Variants in MAP3K3 observed in about 807,000 individuals in gnomAD.
MAP3K3 encodes mitogen-activated protein kinase kinase kinase 3.
Under a neutral mutation model 80.9 loss-of-function variants are expected in MAP3K3, and 12 were observed. That is an observed-to-expected ratio of 0.15 (90% CI 0.10 to 0.24). The LOEUF (loss-of-function observed/expected upper bound fraction) is 0.24, where lower values mean the gene tolerates loss of function less well. MAP3K3 is among the 10% of genes least tolerant of loss of function. The probability of loss-of-function intolerance (pLI) is 1.00; values close to 1 mark genes in which losing one functional copy is unlikely to be tolerated. For synonymous variants in MAP3K3, 272 were observed against 307.1 expected (o/e 0.89, Z 1.19); for missense variants, 596 against 834.7 (o/e 0.71, Z 3.52).
chr17:63,654,737 T>A (rs2034729295), intron 4 of MAP3K3, among the ~76,000 whole-genome samples: 1 of 152,124 alleles, frequency 6.6e-6, no homozygotes, highest in South Asian at 2.1e-4. Context: ...GACTGGGTAA[T>A]TTATAAAAGA....
intron 2 of MAP3K3, among the ~76,000 whole-genome samples, chr17:63,645,697 C>G (rs1421972201): frequency 2.0e-5 from 3 of 152,172 alleles, no homozygotes; most frequent in Non-Finnish European, 4.4e-5. Context: ...GGAAATGTAT[C>G]CTGGTCAGGA....
chr17:63,688,757 C>G, intron 9 of MAP3K3, 32 bp from the exon 10 acceptor site: 3 of 1,536,168 alleles, frequency 2.0e-6, no homozygotes, highest in Non-Finnish European at 2.7e-6. Context: ...ATTGACCTAC[C>G]CAGAAGCCAG....
At chr17:63,649,770 A>G (rs1443497329) in intron 3 of MAP3K3, among the ~76,000 whole-genome samples, 2 of 152,240 alleles carry the variant, frequency 1.3e-5, no homozygotes, top group Non-Finnish European at 2.9e-5. Context: ...AATGGCTGCC[A>G]TATTGAATAG....
rs1301515673 is a variant in MAP3K3, at chr17:63,689,848, C to T, written c.1063+113C>T. 4 of 957,712 alleles carry T rather than the reference C, an allele frequency of 4.2e-6. No homozygotes were observed. The highest frequency in any genetic ancestry group is 4.6e-6 in the Non-Finnish European group (3 of 649,930). The allele number at this position is 957,712 out of a possible 1,614,324, so 59.3% of individuals were successfully genotyped here. On this transcript the variant is annotated intron_variant, in intron 11 of 15. Transcript: ENST00000361733. The surrounding 1 kb of genome is among the most constrained non-coding windows in gnomAD (Gnocchi z 4.3). ...AGGCTCAGCAGGTGGTGGCTTTGGC[C>T]CAAATGCACCACATGGGATAAGCCT...
intron 10 of MAP3K3, 26 bp downstream of exon 10, chr17:63,688,907 G>T (rs1300100909): frequency 6.4e-7 from 1 of 1,566,298 alleles, no homozygotes; most frequent in Non-Finnish European, 8.8e-7. Flanking sequence ...CCTGCTCCCT[G>T]CTGGCTGCCT....
rs750289116 is a variant in MAP3K3 at position 63,689,663 on chromosome 17, C to T, written c.991C>T (p.Pro331Ser). ...GGGTCTGGCTGTGCAATACCTGGAC[C>T]CCCGTGGGCGCCTGCGGAGTGCGGA... The part of the protein sequence containing the change: ...NMGLAVQYLD[P>S]RGRLRSADSE... The change falls in exon 11 of 16, where the codon CCC (proline) becomes TCC (serine). Residue 331 changes from proline (P) to serine (S), a missense_variant. This residue lies in a region of MAP3K3 where 364 missense variants were observed against 588.9 expected (regional missense o/e 0.62). Transcript: ENST00000361733. This position sits in a 1 kb window ranked among gnomAD's most constrained non-coding sequence, Gnocchi z 4.3. 1 of 1,613,950 alleles carries T rather than the reference C, an allele frequency of 6.2e-7. No individual in the cohort carries two copies.
At position 63,628,638 on chromosome 17, in the gene MAP3K3, G is replaced by A. The variant is rs749490312; in HGVS notation, c.5-4043G>A. 1.1e-4 allele frequency among the ~76,000 whole-genome samples: 16 copies of A among 152,150 alleles called. 1 individual carries two copies. Among genetic ancestry groups the A allele is most frequent in the Non-Finnish European group, 1.8e-4 (12 of 68,030 alleles). On this transcript the variant is annotated intron_variant, in intron 1 of 15. Coordinates refer to ENST00000361733, the MANE Select transcript of MAP3K3 (RefSeq NM_002401.5). ...GCCTCCCAAAGTGCTGGGATTACAG[G>A]CGTGAGCCCCTGGGCCCTGCCAATT...
intron 6 of MAP3K3, among the ~76,000 whole-genome samples, chr17:63,668,730 G>A (rs1184198548): frequency 6.6e-6 from 1 of 152,194 alleles, no homozygotes; most frequent in East Asian, 1.9e-4. Flanking sequence ...GAATGCTGAG[G>A]AGTGAGATTT....
Position 63,627,478 on chromosome 17 carries a change from T to C in MAP3K3, c.4+4715T>C, listed in dbSNP as rs147248722. On this transcript the variant is annotated intron_variant, in intron 1 of 15. Transcript: ENST00000361733. ...TTTTTTTTGGGGTGGAGTTTTGCCC[T>C]GTCACCTAGGCTTGAGTGCAGTGGC... 1.9e-3 allele frequency among the ~76,000 whole-genome samples: 290 copies of C among 151,790 alleles called. 2 individuals are homozygous for C. The highest frequency in any genetic ancestry group is 6.8e-3 in the African/African-American group (281 of 41,316).
At chr17:63,655,686 G>A (rs1237409451) in intron 4 of MAP3K3, among the ~76,000 whole-genome samples, 1 of 151,908 alleles carries the variant, frequency 6.6e-6, no homozygotes, top group Non-Finnish European at 1.5e-5. Flanking sequence ...AGAGATGGGG[G>A]TCTCACTATT....
At chr17:63,639,872 T>C (rs2034406252) in intron 2 of MAP3K3, among the ~76,000 whole-genome samples, 1 of 152,196 alleles carries the variant, frequency 6.6e-6, no homozygotes, top group Non-Finnish European at 1.5e-5. Flanking sequence ...TATCTTATTT[T>C]CAGCTTTATA....
intron 5 of MAP3K3, among the ~76,000 whole-genome samples, chr17:63,659,898 A>G (rs997920199): frequency 7.2e-5 from 11 of 152,148 alleles, no homozygotes; most frequent in African/African-American, 7.2e-5. Flanking sequence ...TATATAAATT[A>G]TAAGGCTACA....
chr17:63,659,593 C>T (rs1024346471), intron 5 of MAP3K3, among the ~76,000 whole-genome samples: 3 of 133,964 alleles, frequency 2.2e-5, no homozygotes, highest in Admixed American at 1.7e-4. Context: ...AGTGCAGTGG[C>T]GTGATCTCGG....
chr17:63,627,079 G>T (rs2034117672), intron 1 of MAP3K3, among the ~76,000 whole-genome samples: 1 of 152,232 alleles, frequency 6.6e-6, no homozygotes. Flanking sequence ...CAGTCTGGAA[G>T]AGTGGCTTCC....
At chr17:63,655,852 C>G (rs2034755520) in intron 4 of MAP3K3, among the ~76,000 whole-genome samples, 1 of 152,162 alleles carries the variant, frequency 6.6e-6, no homozygotes, top group South Asian at 2.1e-4. Flanking sequence ...GAATGTCACA[C>G]AGGAAGAAAT....
chr17:63,667,126 G>C (rs762185565), intron 6 of MAP3K3, 66 bp downstream of exon 6: 3 of 1,459,656 alleles, frequency 2.1e-6, no homozygotes, highest in Non-Finnish European at 9.2e-7. Flanking sequence ...AAAGCAACAA[G>C]TATTTGTTAA....
Position 63,673,084 on chromosome 17 carries a change from T to C in MAP3K3, c.502+6024T>C, listed in dbSNP as rs149878621. ...AGTGAGTCTGCAGCAAGCAGGCTAC[T>C]CAGTTCACACTGGAACATTTGCATT... On this transcript the variant is annotated intron_variant, in intron 6 of 15. Transcript: ENST00000361733. Among the ~76,000 whole-genome samples, 202 of 152,330 alleles carry C rather than the reference T, an allele frequency of 1.3e-3. 1 individual carries two copies. Among genetic ancestry groups the C allele is most frequent in the Admixed American group, 2.4e-3 (36 of 15,304 alleles).
chr17:63,669,628 T>A (rs1467700264), intron 6 of MAP3K3, among the ~76,000 whole-genome samples: 1 of 152,168 alleles, frequency 6.6e-6, no homozygotes, highest in East Asian at 1.9e-4. Flanking sequence ...CTAATTTTTG[T>A]GTTTTTAGTA....
rs1238415308 is a variant in MAP3K3, at chr17:63,693,230, C to A, written c.1653-319C>A. ...TGACCTTCAGAACTGTAAGATGATACATTTGTGTTGTTTTCCTGCCTCTAA... is the reference window on the plus strand; with the variant it reads ...TGACCTTCAGAACTGTAAGATGATAAATTTGTGTTGTTTTCCTGCCTCTAA... On this transcript the variant is annotated intron_variant, in intron 15 of 15. Coordinates refer to ENST00000361733, the MANE Select transcript of MAP3K3 (RefSeq NM_002401.5). The surrounding 1 kb of genome is among the most constrained non-coding windows in gnomAD (Gnocchi z 4.2). Among the ~76,000 whole-genome samples the A allele has an allele frequency of 2.6e-5, 4 of 152,194 alleles. No individual in the cohort carries two copies. The highest frequency in any genetic ancestry group is 2.6e-4 in the Admixed American group (4 of 15,276).
Sources: gnomAD v4.1 joint callset for allele counts (sites outside exome capture counted in the v4.1 genomes callset) on GRCh38, gnomAD v4.1.1 for gene constraint, gnomAD v4.1.1 regional missense constraint, Gnocchi (gnomAD v3.1) non-coding constraint, MANE v1.5 for transcripts, NCBI Gene and HGNC (gene_info 2026-07-23, HGNC 2026-07-21) for gene names.